Variants in RYR2 observed in about 807,000 individuals in gnomAD.
RYR2 encodes cardiac muscle ryanodine receptor-calcium release channel.
RYR2 carries 227 observed loss-of-function variants against 601.1 expected under a neutral mutation model. That is an observed-to-expected ratio of 0.38 (90% CI 0.34 to 0.42). The LOEUF is 0.42. Among genes scored for constraint, RYR2 ranks in the 10% least tolerant of loss-of-function variants. The probability of loss-of-function intolerance (pLI) is 1.00; values close to 1 mark genes in which losing one functional copy is unlikely to be tolerated. For synonymous variants in RYR2, 2,223 were observed against 2,175.1 expected, an observed-to-expected ratio of 1.02 and a Z score of -0.61; for missense variants, 4,646 against 6,156.5, an observed-to-expected ratio of 0.75 and a Z score of 8.21.
intron 10 of RYR2, among the ~76,000 whole-genome samples, chr1:237,406,339 T>A (rs1163730524): frequency 6.6e-6 from 1 of 151,386 alleles, no homozygotes; most frequent in Non-Finnish European, 1.5e-5. Flanking sequence ...ACAGGAACTT[T>A]GGTGTTTTAT....
chr1:237,546,863 G>T (rs1393656807), intron 25 of RYR2, among the ~76,000 whole-genome samples: 1 of 151,412 alleles, frequency 6.6e-6, no homozygotes, highest in Admixed American at 6.6e-5. Flanking sequence ...GGGGGTCACT[G>T]TGAATAAAAT....
chr1:237,612,024 G>A (rs936999352), intron 36 of RYR2, among the ~76,000 whole-genome samples: 2 of 151,964 alleles, frequency 1.3e-5, no homozygotes, highest in Admixed American at 6.6e-5. Context: ...AACCCCAAAT[G>A]TTCACCAGCT....
chr1:237,323,362 T>G (rs1695817135), intron 2 of RYR2, among the ~76,000 whole-genome samples: 1 of 152,152 alleles, frequency 6.6e-6, no homozygotes, highest in Admixed American at 6.5e-5. Context: ...AGTGGTTTGC[T>G]TGCAAAGTTC....
At chr1:237,573,101 T>C (rs1014068052) in intron 29 of RYR2, among the ~76,000 whole-genome samples, 15 of 152,290 alleles carry the variant, frequency 9.8e-5, no homozygotes, top group Admixed American at 2.0e-4. Flanking sequence ...ATGTTCGATT[T>C]GCCATTTTTA....
chr1:237,248,600 A>G (rs955531914), intron 1 of RYR2, among the ~76,000 whole-genome samples: 3 of 152,058 alleles, frequency 2.0e-5, no homozygotes, highest in African/African-American at 7.2e-5. Context: ...TATAAGCTGT[A>G]TTGAGGCATG....
chr1:237,430,363 G>T (rs925139054), intron 12 of RYR2, among the ~76,000 whole-genome samples: 1 of 151,398 alleles, frequency 6.6e-6, no homozygotes, highest in African/African-American at 2.4e-5. Context: ...TGTAATATAG[G>T]TATTGCAAAT....
intron 44 of RYR2, among the ~76,000 whole-genome samples, chr1:237,636,535 A>T (rs1308123456): frequency 6.6e-6 from 1 of 152,226 alleles, no homozygotes; most frequent in Non-Finnish European, 1.5e-5. Context: ...AAATGCTGAG[A>T]AGGACAAGGA....
chr1:237,451,031 T>C (rs1658029141), intron 14 of RYR2, among the ~76,000 whole-genome samples: 1 of 127,338 alleles, frequency 7.9e-6, no homozygotes, highest in Non-Finnish European at 1.8e-5. Flanking sequence ...CCAGTAATCA[T>C]GTTTCTATTG....
chr1:237,515,045 G>A (rs1002442081), intron 24 of RYR2, among the ~76,000 whole-genome samples: 3 of 152,098 alleles, frequency 2.0e-5, no homozygotes, highest in Non-Finnish European at 4.4e-5. Context: ...AATTTTGGGT[G>A]CTGTTTCTGT....
chr1:237,441,032 T>C (rs1019137380), intron 12 of RYR2, among the ~76,000 whole-genome samples: 5 of 152,144 alleles, frequency 3.3e-5, no homozygotes, highest in Non-Finnish European at 7.4e-5. Flanking sequence ...CCAGGAAGTA[T>C]GTTTAGCTTA....
At chr1:237,551,160 A>G (rs1374328263) in intron 27 of RYR2, among the ~76,000 whole-genome samples, 4 of 152,226 alleles carry the variant, frequency 2.6e-5, no homozygotes, top group South Asian at 2.1e-4. Context: ...ATACTCAATA[A>G]CTAACTATGT....
chr1:237,660,819 A>G lies in RYR2; in HGVS notation c.8308A>G (p.Ile2770Val). 6.5e-7 allele frequency: 1 copy of G among 1,542,456 alleles called. No homozygotes were observed. Among genetic ancestry groups the G allele is most frequent in the Middle Eastern group, 1.7e-4 (1 of 5,942 alleles). The change falls in exon 56 of 105, where the codon ATT becomes GTT. Residue 2770 changes from isoleucine to valine, a missense_variant. By Grantham distance (29) the Ile-to-Val change is conservative. Transcript: ENST00000366574. ...YKLLSEKEKE[I>V]YRWPIKESLK... is the part of the protein sequence containing the mutation. ...GTTTTTTCTTCTCTAGGAAAAAGAA[A>G]TTTATCGCTGGCCAATCAAAGAATC...
intron 80 of RYR2, among the ~76,000 whole-genome samples, chr1:237,742,701 T>C (rs1691720293): frequency 6.6e-6 from 1 of 152,202 alleles, no homozygotes; most frequent in African/African-American, 2.4e-5. Context: ...GTCAAGTTTT[T>C]CAGTAAACCC....
At chr1:237,518,085 T>C (rs1444524603) in intron 24 of RYR2, among the ~76,000 whole-genome samples, 1 of 152,108 alleles carries the variant, frequency 6.6e-6, no homozygotes, top group Admixed American at 6.6e-5. Context: ...TCTATCGACT[T>C]CTTTATTTTC....
chr1:237,335,586 G>A (rs567855647), intron 3 of RYR2, among the ~76,000 whole-genome samples: 1 of 152,212 alleles, frequency 6.6e-6, no homozygotes, highest in African/African-American at 2.4e-5. Context: ...TGTCCTTTCT[G>A]TCTTTCGGGT....
rs727504882 is a variant in RYR2, at chr1:237,732,162, G to T, written c.11039+13G>T. On this transcript the variant is annotated intron_variant, in intron 78 of 104. Transcript: ENST00000366574. ...TAACAGAGAAATGGTATGGTTGGGA[G>T]GGTTCCTATGAGACATAGGAGGAGC... 1 of 1,545,098 alleles carries T rather than the reference G, an allele frequency of 6.5e-7. No homozygotes were observed. Among genetic ancestry groups the T allele is most frequent in the East Asian group, 2.2e-5 (1 of 44,474 alleles).
intron 3 of RYR2, among the ~76,000 whole-genome samples, chr1:237,340,689 C>G (rs953799327): frequency 6.6e-6 from 1 of 152,134 alleles, no homozygotes; most frequent in African/African-American, 2.4e-5. Flanking sequence ...AATAGTACTT[C>G]AATAATTAGA....
At chr1:237,674,680 C>A in intron 59 of RYR2, 51 bp from the exon 60 acceptor site, 1 of 957,460 alleles carries the variant, frequency 1.0e-6, no homozygotes. Flanking sequence ...ATTTTACCTT[C>A]TAAGAGGCTT....
intron 97 of RYR2, among the ~76,000 whole-genome samples, chr1:237,800,979 G>A (rs1045984037): frequency 2.6e-5 from 4 of 152,066 alleles, no homozygotes; most frequent in Non-Finnish European, 4.4e-5. Context: ...GAACTGAGGG[G>A]AAGGGCTAAA....
Sources: allele counts gnomAD v4.1 joint callset (sites outside exome capture counted in the v4.1 genomes callset), GRCh38; gene constraint gnomAD v4.1.1; transcripts MANE v1.5; gene names NCBI Gene and HGNC (gene_info 2026-07-23, HGNC 2026-07-21).